Variants in KDM5B observed in about 807,000 individuals in gnomAD.
KDM5B encodes lysine-specific demethylase 5B.
A neutral mutation model predicts 193.4 loss-of-function variants in KDM5B; 144 were observed. The observed-to-expected ratio is 0.74, with a 90% CI of 0.65 to 0.86. The LOEUF is 0.86. Among genes scored for constraint, KDM5B ranks in the 40% least tolerant of loss-of-function variants. KDM5B has a pLI of 0.00. For synonymous variants in KDM5B, 668 were observed against 682.6 expected, an observed-to-expected ratio of 0.98 and a Z score of 0.33; for missense variants, 1,833 against 1,886.9, an observed-to-expected ratio of 0.97 and a Z score of 0.53.
At position 202,733,889 on chromosome 1, in the gene KDM5B, GAA is replaced by G. The variant is rs1159578652; in HGVS notation, c.3424-5_3424-4del. The G allele has an allele frequency of 1.9e-6, 3 of 1,600,086 alleles. No individual in the cohort carries two copies. The highest frequency in any genetic ancestry group is 2.6e-6 in the Non-Finnish European group (3 of 1,173,696). ...CGAGCTTCCCCAAGAGTTGCCATCT[GAA>G]AAAGAGTTAACAATCAAGGATGATG... On this transcript the variant is annotated splice_region_variant and splice_polypyrimidine_tract_variant and intron_variant, in intron 22 of 26. Coordinates refer to ENST00000367265, the MANE Select transcript of KDM5B (RefSeq NM_006618.5).
rs2102262030 is a variant in KDM5B at position 202,755,373 on chromosome 1, A to G, written c.1436T>C (p.Ile479Thr). The change falls in exon 11 of 27, where the codon ATA becomes ACA. Residue 479 changes from isoleucine (I) to threonine (T), a missense_variant. Physicochemically the swap from Ile to Thr is moderately conservative, Grantham distance 89. Coordinates refer to ENST00000367265, the MANE Select transcript of KDM5B (RefSeq NM_006618.5). The part of the protein sequence containing the change: ...QSVLAHITAD[I>T]CGMKLPWLYV... ...CAACCAAGGAAGTTTCATGCCACAT[A>G]TATCAGCAGTAATATGTGCAAGGAC... 3 of 1,614,006 alleles carry G rather than the reference A, an allele frequency of 1.9e-6. No individual in the cohort carries two copies. The highest frequency in any genetic ancestry group is 1.7e-6 in the Non-Finnish European group (2 of 1,179,838).
At chr1:202,752,865 A>C in intron 12 of KDM5B, 40 bp downstream of exon 12, 1 of 1,565,106 alleles carries the variant, frequency 6.4e-7, no homozygotes, top group Admixed American at 1.9e-5. Flanking sequence ...AGAAGTGGTG[A>C]ATTAAGCTTG....
At chr1:202,790,730 T>C (rs1042637133) in intron 1 of KDM5B, among the ~76,000 whole-genome samples, 2 of 151,082 alleles carry the variant, frequency 1.3e-5, no homozygotes, top group Non-Finnish European at 2.9e-5. Flanking sequence ...AAAGAAAAAA[T>C]AATAATAAAT....
intron 20 of KDM5B, among the ~76,000 whole-genome samples, chr1:202,739,015 AC>A (rs1558483112): frequency 6.6e-6 from 1 of 152,154 alleles, no homozygotes; most frequent in African/African-American, 2.4e-5. Flanking sequence ...TTGGGAGGGT[AC>A]TTTTAAGTCA....
At chr1:202,787,156 GCCA>G (rs1657447249) in intron 1 of KDM5B, among the ~76,000 whole-genome samples, 1 of 152,010 alleles carries the variant, frequency 6.6e-6, no homozygotes, top group Non-Finnish European at 1.5e-5. Context: ...ATACATGCAT[GCCA>G]CCACATCAGG....
chr1:202,735,733 C>T, intron 21 of KDM5B, 146 bp from the exon 22 acceptor site: 1 of 644,736 alleles, frequency 1.6e-6, no homozygotes, highest in African/African-American at 1.8e-5. Flanking sequence ...AACCCTGAGG[C>T]TCTCCTTTAC....
intron 1 of KDM5B, among the ~76,000 whole-genome samples, chr1:202,783,784 G>A (rs2885651): frequency 0.61 from 93,138 of 151,992 alleles, 31,439 homozygotes; most frequent in Middle Eastern, 0.77. Flanking sequence ...AGGAGACTGA[G>A]GTAGGAGAAT....
At chr1:202,774,149 T>C (rs758098479) in intron 3 of KDM5B, among the ~76,000 whole-genome samples, 3 of 152,134 alleles carry the variant, frequency 2.0e-5, no homozygotes, top group Non-Finnish European at 4.4e-5. Flanking sequence ...GAAAAACAGG[T>C]GGAAGCAAAA....
At position 202,760,404 on chromosome 1, in the gene KDM5B, T is replaced by A. The variant is rs73087588; in HGVS notation, c.1077+11A>T. On this transcript the variant is annotated intron_variant, in intron 8 of 26. Coordinates refer to ENST00000367265, the MANE Select transcript of KDM5B (RefSeq NM_006618.5). ...AATTTTTCTAGTGTTACCTCTACTA[T>A]TAATTATTACCTGAGCCAAACACTT... The A allele has an allele frequency of 6.3e-7, 1 of 1,584,268 alleles. No individual in the cohort carries two copies. Among genetic ancestry groups the A allele is most frequent in the African/African-American group, 1.4e-5 (1 of 73,302 alleles).
At chr1:202,773,773 T>C (rs996899475) in intron 3 of KDM5B, among the ~76,000 whole-genome samples, 15 of 151,474 alleles carry the variant, frequency 9.9e-5, no homozygotes, top group African/African-American at 3.2e-4. Flanking sequence ...GTTTCTCTCT[T>C]GTTGCCCAGC....
chr1:202,776,524 C>T (rs1656961562), intron 2 of KDM5B, among the ~76,000 whole-genome samples: 1 of 152,028 alleles, frequency 6.6e-6, no homozygotes, highest in Non-Finnish European at 1.5e-5. Flanking sequence ...AACAAAAACA[C>T]AATTCTGTGT....
chr1:202,762,949 T>C, intron 6 of KDM5B, 141 bp from the exon 7 acceptor site: 1 of 598,126 alleles, frequency 1.7e-6, no homozygotes, highest in African/African-American at 1.8e-5. Flanking sequence ...CCAGTATACT[T>C]TATTCAAGGG....
At chr1:202,764,215 T>C (rs1182531009) in intron 5 of KDM5B, 70 bp from the exon 6 acceptor site, 2 of 807,504 alleles carry the variant, frequency 2.5e-6, no homozygotes, top group East Asian at 2.8e-5. Context: ...CCAACTGGAA[T>C]CTCAAGGTGA....
In KDM5B at chr1:202,755,043, C is replaced by T. The variant is rs193101620; in HGVS notation, c.1538+228G>A. Among the ~76,000 whole-genome samples the T allele has an allele frequency of 2.6e-5, 4 of 152,298 alleles. No individual in the cohort carries two copies. The East Asian group carries it at 7.7e-4, about 29-fold the overall frequency. On this transcript the variant is annotated intron_variant, in intron 11 of 26. Coordinates refer to ENST00000367265, the MANE Select transcript of KDM5B (RefSeq NM_006618.5). ...ACCCTTCCCCCAGAATTACGTTGTT[C>T]TTGCAAAGTAGTGTGTGTGCAATTT...
chr1:202,740,018 G>GC (rs1655247127), intron 20 of KDM5B, among the ~76,000 whole-genome samples: 1 of 152,226 alleles, frequency 6.6e-6, no homozygotes, highest in Admixed American at 6.5e-5. Context: ...TGGTGGCCGG[G>GC]CAGAGGAGCT....
intron 22 of KDM5B, 98 bp downstream of exon 22, chr1:202,735,331 T>C: frequency 7.7e-7 from 1 of 1,296,412 alleles, no homozygotes; most frequent in Non-Finnish European, 1.1e-6. Flanking sequence ...CGCTTTCAAG[T>C]TACTCTACTT....
chr1:202,753,049 C>A lies in KDM5B; in HGVS notation c.1557G>T (p.Trp519Cys). The A allele has an allele frequency of 6.2e-7, 1 of 1,613,348 alleles. No homozygotes were observed. Reference protein sequence around the residue: ...NYLHWGEPKTWYGVPGYAAEQ... With the variant: ...NYLHWGEPKTCYGVPGYAAEQ... ...CAGCAGCATACCCTGGGACTCCATA[C>A]CAGGTTTTTGGCTCACCCCTGGAAA... is the stretch of plus-strand genomic sequence containing the variant. The change falls in exon 12 of 27, where the codon TGG (tryptophan) becomes TGT (cysteine). Residue 519 changes from tryptophan to cysteine, a missense_variant. Transcript: ENST00000367265.
chr1:202,793,398 G>A (rs1352399447), intron 1 of KDM5B, among the ~76,000 whole-genome samples: 1 of 152,180 alleles, frequency 6.6e-6, no homozygotes, highest in Non-Finnish European at 1.5e-5. Context: ...GTAGTTCAGA[G>A]CAGTAACTGA....
Position 202,808,359 on chromosome 1 carries a change from G to A in KDM5B, c.-54C>T, listed in dbSNP as rs1269008231. ...AGGTGGGCTCCGGGACCGAGGCTGCGAGCTCCGCTCGGTCCGAGACCCGTG... is the reference window on the plus strand; with the variant it reads ...AGGTGGGCTCCGGGACCGAGGCTGCAAGCTCCGCTCGGTCCGAGACCCGTG... On this transcript the variant is annotated 5_prime_UTR_variant, in exon 1 of 27. Transcript: ENST00000367265. 1.8e-5 allele frequency: 27 copies of A among 1,472,846 alleles called. 1 individual carries two copies. Among genetic ancestry groups the A allele is most frequent in the Middle Eastern group, 4.9e-4 (2 of 4,110 alleles). 91.2% of individuals were successfully genotyped at this position (1,472,846 alleles called of 1,614,324 possible). A position where few individuals can be genotyped will look rare whatever the true frequency, so the allele number is the denominator to read the frequency against.
Sources: allele counts gnomAD v4.1 joint callset (sites outside exome capture counted in the v4.1 genomes callset), GRCh38; gene constraint gnomAD v4.1.1; transcripts MANE v1.5; gene names NCBI Gene and HGNC (gene_info 2026-07-23, HGNC 2026-07-21).